SEL1L3: variants seen among roughly 807,000 people sequenced by gnomAD.
The protein encoded by SEL1L3 is protein sel-1 homolog 3.
Under a neutral mutation model 142.8 loss-of-function variants are expected in SEL1L3, and 76 were observed. The ratio of observed to expected loss-of-function variants is 0.53; its 90% CI spans 0.44 to 0.64. The LOEUF (loss-of-function observed/expected upper bound fraction) is 0.64, where lower values mean the gene tolerates loss of function less well. Among genes scored for constraint, SEL1L3 ranks in the 30% least tolerant of loss-of-function variants. SEL1L3 has a pLI of 0.00. For synonymous variants in SEL1L3, 504 were observed against 519.6 expected (o/e 0.97, Z 0.41); for missense variants, 1,262 against 1,381.7 (o/e 0.91, Z 1.37).
In SEL1L3 at chr4:25,835,240, G is replaced by C. The variant is rs778042633; in HGVS notation, c.817C>G (p.Arg273Gly). Residue 273 changes from arginine (R) to glycine (G), a missense_variant, in exon 3 of 24, where the codon CGA becomes GGA. Coordinates refer to ENST00000399878, the MANE Select transcript of SEL1L3 (RefSeq NM_015187.5). ...IVKKFPRFRN[R>G]ELEATRRQRM... ...TGGCGTCGAGTGGCCTCCAGCTCTC[G>C]GTTCCGAAACCTCGGGAACTTCTTG... 9.3e-6 allele frequency: 15 copies of C among 1,613,904 alleles called. No individual in the cohort carries two copies. The African/African-American group carries it at 1.6e-4, about 17-fold the overall frequency.
intron 17 of SEL1L3, chr4:25,773,679 A>C (rs1032498202): frequency 1.3e-5 from 2 of 152,174 alleles, no homozygotes; most frequent in African/African-American, 4.8e-5. Context: ...TTAAATAAAA[A>C]ACTATTGATG....
intron 14 of SEL1L3, among the ~76,000 whole-genome samples, chr4:25,783,056 C>T (rs116341925): frequency 2.2e-4 from 33 of 152,292 alleles, no homozygotes; most frequent in African/African-American, 7.9e-4. Flanking sequence ...TCATTACTTA[C>T]CTAAGCTCTG....
chr4:25,758,798 G>A lies in SEL1L3; in HGVS notation c.3083+143C>T, dbSNP rs1718175364. 1.2e-5 allele frequency: 10 copies of A among 838,072 alleles called. No homozygotes were observed. In the Admixed American group the frequency reaches 1.7e-4, roughly 14 times the overall value. The allele number at this position is 838,072 out of a possible 1,614,324, so 51.9% of individuals were successfully genotyped here. On this transcript the variant is annotated intron_variant, in intron 21 of 23. Transcript: ENST00000399878. ...CAAAGTGCTGGGATTACAAGTATGA[G>A]CCACGGTGCCCTGCTTTTTGTTTTT...
intron 1 of SEL1L3, among the ~76,000 whole-genome samples, chr4:25,850,895 G>C (rs1029121957): frequency 6.6e-6 from 1 of 151,412 alleles, no homozygotes; most frequent in African/African-American, 2.4e-5. Flanking sequence ...CTGTCATCCA[G>C]GCTGGAGTGC....
chr4:25,816,566 C>T (rs1714405195), intron 9 of SEL1L3, among the ~76,000 whole-genome samples: 1 of 152,160 alleles, frequency 6.6e-6, no homozygotes, highest in South Asian at 2.1e-4. Context: ...CAATATATTC[C>T]CTTCTTCCAG....
chr4:25,737,571 A>C, the SEL1L3 span, among the ~76,000 whole-genome samples: 1 of 152,162 alleles, frequency 6.6e-6, no homozygotes, highest in Non-Finnish European at 1.5e-5. Flanking sequence ...TCTAAATGCT[A>C]TCCCATTGGA....
At chr4:25,818,088 C>T in intron 9 of SEL1L3, 50 bp downstream of exon 9, 1 of 1,577,194 alleles carries the variant, frequency 6.3e-7, no homozygotes, top group Non-Finnish European at 8.6e-7. Flanking sequence ...CAGAGAAAAA[C>T]AAGGAGCCTT....
chr4:25,774,022 T>C (rs745649201), intron 17 of SEL1L3, among the ~76,000 whole-genome samples: 4 of 152,232 alleles, frequency 2.6e-5, no homozygotes, highest in Non-Finnish European at 5.9e-5. Flanking sequence ...TTGTTCCCTC[T>C]ATTCACCTTA....
Position 25,756,891 on chromosome 4 carries a change from G to A in SEL1L3, c.3259+643C>T, listed in dbSNP as rs761233946. 4.4e-5 allele frequency: 57 copies of A among 1,283,426 alleles called. No individual in the cohort carries two copies. The South Asian group carries it at 7.0e-4, about 16-fold the overall frequency. 79.5% of individuals were successfully genotyped at this position (1,283,426 alleles called of 1,614,324 possible). On this transcript the variant is annotated intron_variant, in intron 23 of 23. Transcript: ENST00000399878. ...AGGAGCTTTGGCGCTGTGTTTTCAG[G>A]CACACAGAGGCAGAATTCTGACAGA...
chr4:25,829,240 TG>T (rs1715286036), intron 6 of SEL1L3, among the ~76,000 whole-genome samples: 14 of 152,244 alleles, frequency 9.2e-5, no homozygotes, highest in Admixed American at 9.2e-4. Flanking sequence ...CCCAAAGCGC[TG>T]GGATTACAGG....
intron 1 of SEL1L3, among the ~76,000 whole-genome samples, chr4:25,859,077 C>T (rs1406602060): frequency 6.6e-6 from 1 of 152,184 alleles, no homozygotes; most frequent in Non-Finnish European, 1.5e-5. Context: ...CTGGAAGTGC[C>T]ATTATCACAG....
intron 1 of SEL1L3, among the ~76,000 whole-genome samples, chr4:25,860,326 C>G (rs1172869726): frequency 6.6e-6 from 1 of 152,230 alleles, no homozygotes; most frequent in Non-Finnish European, 1.5e-5. Flanking sequence ...CATCTCTACC[C>G]TGCACCTGCC....
chr4:25,797,205 A>C (rs1039439893), intron 11 of SEL1L3, among the ~76,000 whole-genome samples: 10 of 150,870 alleles, frequency 6.6e-5, no homozygotes, highest in East Asian at 3.9e-4. Flanking sequence ...AAAAAAAAAA[A>C]CCCTCTAGTT....
intron 1 of SEL1L3, among the ~76,000 whole-genome samples, chr4:25,858,562 GT>G (rs201600853): frequency 6.6e-5 from 10 of 150,984 alleles, no homozygotes; most frequent in Admixed American, 2.0e-4. Flanking sequence ...TTTTGTTTTT[GT>G]TTTTTTTGAT....
chr4:25,817,632 T>C lies in SEL1L3; in HGVS notation c.1564+506A>G, dbSNP rs373789386. Among the ~76,000 whole-genome samples, 11 of 152,278 alleles carry C rather than the reference T, an allele frequency of 7.2e-5. No homozygotes were observed. In the South Asian group the frequency reaches 2.3e-3, roughly 32 times the overall value. ...CATGAATGAAGTAAGCAGGAGATGA[T>C]GAAACAGACAGGAGGGGCTGTGGGT... On this transcript the variant is annotated intron_variant, in intron 9 of 23. Transcript: ENST00000399878.
chr4:25,858,272 A>T (rs986157112), intron 1 of SEL1L3, among the ~76,000 whole-genome samples: 1 of 152,238 alleles, frequency 6.6e-6, no homozygotes, highest in African/African-American at 2.4e-5. Flanking sequence ...TCCAGTCAGG[A>T]TGAATATGGA....
intron 23 of SEL1L3, among the ~76,000 whole-genome samples, chr4:25,757,173 C>T (rs996844378): frequency 6.6e-6 from 1 of 151,932 alleles, no homozygotes; most frequent in Non-Finnish European, 1.5e-5. Context: ...GAGGGTGAGA[C>T]AGGAGAATTG....
Position 25,853,720 on chromosome 4 carries a change from G to A in SEL1L3, c.163-5856C>T, listed in dbSNP as rs551904671. Among the ~76,000 whole-genome samples, 27 of 139,376 alleles carry A rather than the reference G, an allele frequency of 1.9e-4. No homozygotes were observed. The South Asian group carries it at 6.1e-3, about 32-fold the overall frequency. The allele number at this position is 139,376 out of a possible 152,430, so 91.4% of individuals were successfully genotyped here. On this transcript the variant is annotated intron_variant, in intron 1 of 23. Transcript: ENST00000399878. ...GGAGTCTCGCTCTGTCGCCCAGGCT[G>A]GAGTGCAATAGGGCAATCTCGGCTC...
the SEL1L3 span, among the ~76,000 whole-genome samples, chr4:25,725,013 A>C: frequency 2.0e-5 from 3 of 152,008 alleles, no homozygotes; most frequent in Admixed American, 1.3e-4. Context: ...TTCCCAGAGG[A>C]CATTTCAGCC....
Sources: allele counts gnomAD v4.1 joint callset (sites outside exome capture counted in the v4.1 genomes callset), GRCh38; gene constraint gnomAD v4.1.1; transcripts MANE v1.5; gene names NCBI Gene and HGNC (gene_info 2026-07-23, HGNC 2026-07-21).